Variants in TNFSF8 observed in about 807,000 individuals in gnomAD.
The protein encoded by TNFSF8 is TNF superfamily member 8, also known as tumor necrosis factor ligand superfamily member 8.
A neutral mutation model predicts 22.0 loss-of-function variants in TNFSF8; 4 were observed. The observed-to-expected ratio is 0.18, with a 90% CI of 0.09 to 0.42. TNFSF8 has a LOEUF of 0.42. Among genes scored for constraint, TNFSF8 ranks in the 10% least tolerant of loss-of-function variants. The probability of loss-of-function intolerance (pLI) is 1.00; values close to 1 mark genes in which losing one functional copy is unlikely to be tolerated. For missense variants in TNFSF8, 233 were observed against 281.8 expected (o/e 0.83, Z 1.24); for synonymous variants, 106 against 112.5 (o/e 0.94, Z 0.37).
At chr9:114,911,170 C>G (rs1827847867) in intron 2 of TNFSF8, among the ~76,000 whole-genome samples, 1 of 152,232 alleles carries the variant, frequency 6.6e-6, no homozygotes, top group Non-Finnish European at 1.5e-5. Flanking sequence ...AAATGAAGCT[C>G]ATGACATTAT....
intron 2 of TNFSF8, among the ~76,000 whole-genome samples, chr9:114,916,827 C>A (rs1236341838): frequency 6.6e-6 from 1 of 152,166 alleles, no homozygotes; most frequent in Non-Finnish European, 1.5e-5. Context: ...ACCCCCAAAG[C>A]CTAAACGTTT....
chr9:114,918,078 C>T lies in TNFSF8; in HGVS notation c.238+18G>A. 1 of 1,595,490 alleles carries T rather than the reference C, an allele frequency of 6.3e-7. No homozygotes were observed. The highest frequency in any genetic ancestry group is 8.5e-7 in the Non-Finnish European group (1 of 1,173,040). ...TAGATGACTTACTACACATTTACAC[C>T]TAATTCCAAGATCTTACCTCCTTTG... On this transcript the variant is annotated intron_variant, in intron 2 of 3. Transcript: ENST00000223795.
chr9:114,920,572 G>T (rs777157642), intron 1 of TNFSF8, among the ~76,000 whole-genome samples: 1 of 152,202 alleles, frequency 6.6e-6, no homozygotes, highest in African/African-American at 2.4e-5. Flanking sequence ...AGTGCTTTAA[G>T]GTAGTGCTGT....
At chr9:114,897,932 T>G (rs746859471), downstream of TNFSF8, among the ~76,000 whole-genome samples, 47 of 152,134 alleles carry the variant, frequency 3.1e-4, no homozygotes, top group Non-Finnish European at 5.6e-4. Context: ...GTCCATTGAC[T>G]GTGACATTGG....
chr9:114,907,711 AAT>A (rs1349659735), intron 2 of TNFSF8, among the ~76,000 whole-genome samples: 2 of 152,164 alleles, frequency 1.3e-5, no homozygotes, highest in Non-Finnish European at 2.9e-5. Context: ...TAATAATATG[AAT>A]GGTCATAACT....
At chr9:114,906,125 A>G (rs1821993299) in intron 2 of TNFSF8, among the ~76,000 whole-genome samples, 1 of 152,156 alleles carries the variant, frequency 6.6e-6, no homozygotes, top group African/African-American at 2.4e-5. Context: ...TTTATGGAAG[A>G]CTGTGGAAAT....
In TNFSF8 at chr9:114,929,973, T is replaced by TAG. The variant is rs200259755; in HGVS notation, c.195+135_195+136insCT. The stretch of plus-strand genomic sequence containing the variant: ...CAGTATATACTATAGTATATATATA[T>TAG]ATATAGAGAGAGAGAGTTTATTTAT... On this transcript the variant is annotated intron_variant, in intron 1 of 3. Coordinates refer to ENST00000223795, the MANE Select transcript of TNFSF8 (RefSeq NM_001244.4). The TAG allele has an allele frequency of 2.9e-4, 101 of 344,920 alleles. 1 individual carries two copies. In the Middle Eastern group the frequency reaches 4.2e-3, roughly 14 times the overall value. The allele number at this position is 344,920 out of a possible 1,614,324, so 21.4% of individuals were successfully genotyped here.
At chr9:114,912,083 G>C (rs1827858913) in intron 2 of TNFSF8, among the ~76,000 whole-genome samples, 2 of 152,184 alleles carry the variant, frequency 1.3e-5, no homozygotes, top group African/African-American at 4.8e-5. Context: ...ACAGACTTAT[G>C]TTCAAATTCC....
rs562233498 is a variant in TNFSF8 at position 114,901,930 on chromosome 9, T to G, written c.*2001A>C. ...CCACTGCTGATTTGTTCTTTCTTTT[T>G]TTCTTTTAAATCTTTTCTAGCTTTC... On this transcript the variant is annotated 3_prime_UTR_variant, in exon 4 of 4. Coordinates refer to ENST00000223795, the MANE Select transcript of TNFSF8 (RefSeq NM_001244.4). The G allele has an allele frequency of 1.0e-6, 1 of 982,646 alleles. No homozygotes were observed. The highest frequency in any genetic ancestry group is 1.2e-6 in the Non-Finnish European group (1 of 827,542). The allele number at this position is 982,646 out of a possible 1,614,324, so 60.9% of individuals were successfully genotyped here. A position where few individuals can be genotyped will look rare whatever the true frequency, so the allele number is the denominator to read the frequency against.
chr9:114,925,131 G>C (rs12336867), intron 1 of TNFSF8, among the ~76,000 whole-genome samples: 1 of 152,166 alleles, frequency 6.6e-6, no homozygotes, highest in Non-Finnish European at 1.5e-5. Flanking sequence ...TTACATACAG[G>C]GGAGAGAGTC....
At position 114,930,205 on chromosome 9, in the gene TNFSF8, G is replaced by T. The variant is rs1828122120; in HGVS notation, c.99C>A (p.Thr33=). 3 of 1,606,194 alleles carry T rather than the reference G, an allele frequency of 1.9e-6. No individual in the cohort carries two copies. The highest frequency in any genetic ancestry group is 1.7e-6 in the Non-Finnish European group (2 of 1,176,178). Reference sequence around the variant, plus strand: ...TCAAATAGAAATAGCTGCGGCTCGTGGTCCCCAGGTGGCTGGCCACGGAGC... The same window carrying T: ...TCAAATAGAAATAGCTGCGGCTCGTTGTCCCCAGGTGGCTGGCCACGGAGC... The part of the protein sequence containing the change: ...PAGSVASHLG[T]TSRSYFYLTT... The change falls in exon 1 of 4, where the codon ACC becomes ACA. Residue 33 remains threonine (T), a synonymous_variant. Transcript: ENST00000223795.
rs1211775232 is a variant in TNFSF8 at position 114,902,683 on chromosome 9, AG to A, written c.*1247del. 2 of 985,346 alleles carry A rather than the reference AG, an allele frequency of 2.0e-6. No individual in the cohort carries two copies. The highest frequency in any genetic ancestry group is 1.1e-4 in the East Asian group (1 of 8,792). The allele number at this position is 985,346 out of a possible 1,614,324, so 61.0% of individuals were successfully genotyped here. A position where few individuals can be genotyped will look rare whatever the true frequency, so the allele number is the denominator to read the frequency against. ...AGTGTCTTCAATTATATACTGGGGT[AG>A]GGGGGCCTTATTTTGGTTGGAGAGC... On this transcript the variant is annotated 3_prime_UTR_variant, in exon 4 of 4. Transcript: ENST00000223795.
intron 2 of TNFSF8, among the ~76,000 whole-genome samples, chr9:114,912,984 C>T (rs187330635): frequency 1.8e-4 from 28 of 152,292 alleles, no homozygotes; most frequent in Admixed American, 7.2e-4. Flanking sequence ...ATTCATAGAA[C>T]GCTATAATCA....
At chr9:114,924,750 A>C (rs994871058) in intron 1 of TNFSF8, among the ~76,000 whole-genome samples, 2 of 152,058 alleles carry the variant, frequency 1.3e-5, no homozygotes, top group African/African-American at 4.8e-5. Flanking sequence ...AGCAGAAATG[A>C]CTTCTCCTTT....
At chr9:114,919,234 T>C (rs1827958681) in intron 1 of TNFSF8, among the ~76,000 whole-genome samples, 2 of 152,172 alleles carry the variant, frequency 1.3e-5, no homozygotes, top group Non-Finnish European at 2.9e-5. Flanking sequence ...TGTATACACA[T>C]GTAGTATACA....
intron 1 of TNFSF8, among the ~76,000 whole-genome samples, chr9:114,926,788 T>C (rs1380898998): frequency 1.3e-5 from 2 of 152,026 alleles, no homozygotes; most frequent in Non-Finnish European, 2.9e-5. Context: ...CAAGAATCTG[T>C]CAATGGTGGT....
At chr9:114,894,217 C>T (rs1433586734) in intron 4 of TNFSF8, 3 of 1,447,224 alleles carry the variant, frequency 2.1e-6, no homozygotes, top group East Asian at 2.5e-5. Flanking sequence ...AGATGTGATA[C>T]ATTTTGACGT....
exon 5 of TNFSF8, chr9:114,893,816 T>G: frequency 7.1e-6 from 3 of 423,712 alleles, no homozygotes; most frequent in South Asian, 2.7e-5. Flanking sequence ...TGGGAAGTGA[T>G]TAATTCTGGG....
At position 114,930,491 on chromosome 9, in the gene TNFSF8, T is replaced by G. The variant is rs1587943664; in HGVS notation, c.-188A>C. The stretch of plus-strand genomic sequence containing the variant: ...GTGAGGCGAGAGGCGGCAGCAAGGG[T>G]GGGGGAGAGGTTCATTTTTCATTGC... On this transcript the variant is annotated 5_prime_UTR_variant, in exon 1 of 4. Transcript: ENST00000223795. 2.2e-6 allele frequency: 1 copy of G among 464,034 alleles called. No individual in the cohort carries two copies. The highest frequency in any genetic ancestry group is 3.7e-6 in the Non-Finnish European group (1 of 266,842). 28.7% of individuals were successfully genotyped at this position (464,034 alleles called of 1,614,324 possible).
Sources: gnomAD v4.1 joint callset for allele counts (sites outside exome capture counted in the v4.1 genomes callset) on GRCh38, gnomAD v4.1.1 for gene constraint, MANE v1.5 for transcripts, NCBI Gene and HGNC (gene_info 2026-07-23, HGNC 2026-07-21) for gene names.